DPP6: variants seen among roughly 807,000 people sequenced by gnomAD.
DPP6 encodes the protein A-type potassium channel modulatory protein DPP6.
Under a neutral mutation model 122.6 loss-of-function variants are expected in DPP6, and 69 were observed. The ratio of observed to expected loss-of-function variants is 0.56; its 90% CI spans 0.46 to 0.69. DPP6 has a LOEUF of 0.69. DPP6 is among the 30% of genes least tolerant of loss of function. The pLI, the probability that DPP6 is intolerant of heterozygous loss-of-function variation, is 0.00. For synonymous variants in DPP6, 418 were observed against 433.1 expected, an observed-to-expected ratio of 0.97 and a Z score of 0.43; for missense variants, 928 against 1,116.9, an observed-to-expected ratio of 0.83 and a Z score of 2.41.
intron 2 of DPP6, among the ~76,000 whole-genome samples, chr7:154,458,691 G>A (rs763967285): frequency 8.5e-5 from 13 of 152,176 alleles, no homozygotes; most frequent in South Asian, 2.1e-4. Context: ...CCACTTTTAC[G>A]GTGGCCATGT....
At chr7:154,218,089 A>G (rs1800102807) in intron 1 of DPP6, among the ~76,000 whole-genome samples, 2 of 152,196 alleles carry the variant, frequency 1.3e-5, no homozygotes. Context: ...TTTAAAATCC[A>G]TCCACCATCG....
chr7:154,844,615 C>T (rs1223608448), intron 16 of DPP6, among the ~76,000 whole-genome samples: 1 of 152,116 alleles, frequency 6.6e-6, no homozygotes, highest in African/African-American at 2.4e-5. Flanking sequence ...CTGTGGTGGT[C>T]CTACAGTTCA....
At chr7:154,237,590 C>A (rs1801300722) in intron 1 of DPP6, among the ~76,000 whole-genome samples, 1 of 152,282 alleles carries the variant, frequency 6.6e-6, no homozygotes, top group Non-Finnish European at 1.5e-5. Flanking sequence ...CAGGCTTCCC[C>A]CTCCACTGTC....
the DPP6 span, among the ~76,000 whole-genome samples, chr7:153,846,724 G>A: frequency 6.7e-4 from 80 of 119,512 alleles, no homozygotes; most frequent in Non-Finnish European, 8.1e-4. Context: ...ACAGAGTCTC[G>A]CTCTGTTACC....
chr7:153,964,978 C>CCCTCCCTTCCTTCCTT (rs1795606849), intron 1 of DPP6, among the ~76,000 whole-genome samples: 5 of 71,226 alleles, frequency 7.0e-5, no homozygotes, highest in African/African-American at 4.9e-4. Context: ...CATTTCTTTT[C>CCCTCCCTTCCTTCCTT]CCTTCCTTCC....
chr7:154,093,306 A>G (rs1805014076), intron 1 of DPP6, among the ~76,000 whole-genome samples: 1 of 144,596 alleles, frequency 6.9e-6, no homozygotes, highest in Non-Finnish European at 1.5e-5. Context: ...ATCAAATACC[A>G]CACCACATGC....
intron 1 of DPP6, among the ~76,000 whole-genome samples, chr7:154,127,275 T>A (rs181284273): frequency 6.6e-6 from 1 of 152,336 alleles, no homozygotes; most frequent in East Asian, 1.9e-4. Context: ...AAGAAAATAT[T>A]TTCCAAGAGA....
chr7:154,522,819 A>G (rs762384356), intron 3 of DPP6, among the ~76,000 whole-genome samples: 20 of 152,294 alleles, frequency 1.3e-4, no homozygotes, highest in Admixed American at 2.6e-4. Context: ...TCACCTGTAC[A>G]ATTAGTGGGT....
At chr7:154,595,545 A>G (rs551271809) in intron 5 of DPP6, among the ~76,000 whole-genome samples, 1 of 152,322 alleles carries the variant, frequency 6.6e-6, no homozygotes, top group African/African-American at 2.4e-5. Context: ...TCCTTTCTCC[A>G]CTGTGAGCTG....
intron 1 of DPP6, among the ~76,000 whole-genome samples, chr7:153,894,989 C>T (rs1033538143): frequency 1.3e-4 from 20 of 152,012 alleles, no homozygotes; most frequent in Non-Finnish European, 2.5e-4. Context: ...TGAAGTGAAA[C>T]ATGCATGAGA....
chr7:153,965,573 C>T (rs568387364), intron 1 of DPP6, among the ~76,000 whole-genome samples: 15 of 152,200 alleles, frequency 9.9e-5, no homozygotes, highest in East Asian at 3.9e-4. Flanking sequence ...AGCACAGTGG[C>T]GCGATTTCAG....
At chr7:154,802,462 G>A (rs540098401) in intron 13 of DPP6, among the ~76,000 whole-genome samples, 13 of 152,300 alleles carry the variant, frequency 8.5e-5, no homozygotes, top group African/African-American at 2.2e-4. Flanking sequence ...TTCATGACAC[G>A]ATTGATAGAA....
At chr7:154,836,567 G>C (rs1563265550) in intron 16 of DPP6, among the ~76,000 whole-genome samples, 1 of 152,000 alleles carries the variant, frequency 6.6e-6, no homozygotes, top group Non-Finnish European at 1.5e-5. Flanking sequence ...ATTTCATTGT[G>C]GTGTTTTACA....
chr7:153,961,675 C>G (rs1358316512), intron 1 of DPP6, among the ~76,000 whole-genome samples: 1 of 151,424 alleles, frequency 6.6e-6, no homozygotes, highest in Non-Finnish European at 1.5e-5. Flanking sequence ...GTACAACTCC[C>G]CATAATATAG....
chr7:154,014,474 G>T (rs1798304286), intron 1 of DPP6, among the ~76,000 whole-genome samples: 2 of 150,850 alleles, frequency 1.3e-5, no homozygotes, highest in African/African-American at 2.5e-5. Context: ...GCCCAACATG[G>T]TGAAACCCCA....
At chr7:154,166,331 G>C (rs3115193) in intron 1 of DPP6, among the ~76,000 whole-genome samples, 4 of 152,206 alleles carry the variant, frequency 2.6e-5, no homozygotes, top group South Asian at 2.1e-4. Flanking sequence ...TCTTGGAGGG[G>C]CCACCCCTGC....
At chr7:154,723,316 G>A (rs1340698165) in intron 7 of DPP6, among the ~76,000 whole-genome samples, 1 of 152,112 alleles carries the variant, frequency 6.6e-6, no homozygotes, top group African/African-American at 2.4e-5. Flanking sequence ...TTTATAGCTT[G>A]TTCTTTCATT....
intron 5 of DPP6, among the ~76,000 whole-genome samples, chr7:154,609,812 T>C (rs1384664926): frequency 6.6e-6 from 1 of 151,048 alleles, no homozygotes; most frequent in Admixed American, 6.7e-5. Flanking sequence ...GTTCGTTTGA[T>C]AGAATTTCCA....
At chr7:154,341,026 TA>T (rs745847473) in intron 1 of DPP6, among the ~76,000 whole-genome samples, 3 of 152,224 alleles carry the variant, frequency 2.0e-5, no homozygotes, top group Non-Finnish European at 4.4e-5. Context: ...CATAAACTTA[TA>T]AATTACATTC....
Sources: allele counts gnomAD v4.1 joint callset (sites outside exome capture counted in the v4.1 genomes callset), GRCh38; gene constraint gnomAD v4.1.1; transcripts MANE v1.5; gene names NCBI Gene and HGNC (gene_info 2026-07-23, HGNC 2026-07-21).